Variants in DCAF5 observed in about 807,000 individuals in gnomAD.
DCAF5 encodes DDB1- and CUL4-associated factor 5.
In DCAF5, 9 loss-of-function variants were observed where a neutral mutation model predicts 80.7. The observed-to-expected ratio is 0.11, with a 90% confidence interval of 0.07 to 0.19. The LOEUF is 0.19. Among genes scored for constraint, DCAF5 ranks in the 10% least tolerant of loss-of-function variants. DCAF5 has a pLI of 1.00. For synonymous variants in DCAF5, 433 were observed against 461.9 expected (o/e 0.94, Z 0.80); for missense variants, 842 against 1,205.7 (o/e 0.70, Z 4.47).
intron 5 of DCAF5, among the ~76,000 whole-genome samples, chr14:69,102,757 AC>A (rs1051034397): frequency 5.2e-4 from 79 of 152,080 alleles, no homozygotes; most frequent in African/African-American, 1.9e-3. Flanking sequence ...CTTCTGGAAT[AC>A]CTCCTGAAGG....
intron 1 of DCAF5, among the ~76,000 whole-genome samples, chr14:69,132,622 A>G (rs1281823669): frequency 2.6e-5 from 4 of 152,122 alleles, no homozygotes; most frequent in Non-Finnish European, 5.9e-5. Context: ...TCTCTCCTCA[A>G]ATCACCTACA....
intron 6 of DCAF5, among the ~76,000 whole-genome samples, chr14:69,081,125 TC>T (rs1263667138): frequency 6.6e-6 from 1 of 152,156 alleles, no homozygotes; most frequent in African/African-American, 2.4e-5. Flanking sequence ...CAGCCTTTTA[TC>T]TTATACTCTA....
intron 1 of DCAF5, among the ~76,000 whole-genome samples, chr14:69,140,825 T>C (rs1308172505): frequency 6.6e-5 from 10 of 151,990 alleles, no homozygotes; most frequent in Admixed American, 6.6e-4. Flanking sequence ...ACCTTAAAAG[T>C]GGCAGCGGAG....
intron 5 of DCAF5, among the ~76,000 whole-genome samples, chr14:69,095,507 G>GATTT (rs2139982252): frequency 6.6e-6 from 1 of 151,898 alleles, no homozygotes; most frequent in East Asian, 2.0e-4. Flanking sequence ...TCACAAATGT[G>GATTT]GTCTCCTGTG....
intron 6 of DCAF5, among the ~76,000 whole-genome samples, chr14:69,078,248 C>T (rs1363213821): frequency 3.9e-5 from 6 of 152,156 alleles, no homozygotes; most frequent in African/African-American, 7.2e-5. Context: ...AGAAGTAGAA[C>T]ATGGCCATAT....
intron 1 of DCAF5, chr14:69,143,904 T>C (rs2041454396): frequency 6.6e-6 from 1 of 152,564 alleles, no homozygotes; most frequent in Non-Finnish European, 1.5e-5. Flanking sequence ...AAGAAATCTG[T>C]AACTGGTTGT....
At position 69,116,410 on chromosome 14, in the gene DCAF5, A is replaced by G. The variant is rs371515063; in HGVS notation, c.621T>C (p.Asn207=). The G allele has an allele frequency of 4.0e-5, 65 of 1,613,448 alleles. No individual in the cohort carries two copies. Among genetic ancestry groups the G allele is most frequent in the Non-Finnish European group, 5.3e-5 (63 of 1,179,604 alleles). Reference sequence around the variant, plus strand: ...CCCAGAGTCCCACTCCTTCCTTTGAATTGGCTGTGGCCAACAACCTGGGCT... The same window carrying G: ...CCCAGAGTCCCACTCCTTCCTTTGAGTTGGCTGTGGCCAACAACCTGGGCT... ...PVEPRLLATA[N]SKEGVGLWDI... is the part of the protein sequence containing the mutation. The change falls in exon 5 of 9, where the codon AAT becomes AAC. Residue 207 remains asparagine (N), a synonymous_variant. Transcript: ENST00000341516.
At chr14:69,110,993 A>C (rs1273792450) in intron 5 of DCAF5, among the ~76,000 whole-genome samples, 8 of 152,018 alleles carry the variant, frequency 5.3e-5, no homozygotes, top group African/African-American at 1.9e-4. Flanking sequence ...TGAGGTTTTA[A>C]GAAATTTAAG....
chr14:69,081,011 T>C (rs2039079028), intron 6 of DCAF5, among the ~76,000 whole-genome samples: 1 of 151,578 alleles, frequency 6.6e-6, no homozygotes, highest in African/African-American at 2.4e-5. Context: ...TCTGCTTTAG[T>C]ACTAAAAAAA....
At chr14:69,072,414 G>T (rs1364452408) in intron 7 of DCAF5, among the ~76,000 whole-genome samples, 2 of 151,384 alleles carry the variant, frequency 1.3e-5, no homozygotes, top group East Asian at 3.9e-4. Flanking sequence ...CAAGAAGGAA[G>T]AACAGAAAGA....
chr14:69,133,452 T>A (rs2041098633), intron 1 of DCAF5, among the ~76,000 whole-genome samples: 1 of 152,162 alleles, frequency 6.6e-6, no homozygotes, highest in South Asian at 2.1e-4. Flanking sequence ...GATCTCCCAA[T>A]TTTTGGCCCA....
At chr14:69,115,602 C>A (rs2040518900) in intron 5 of DCAF5, among the ~76,000 whole-genome samples, 1 of 152,106 alleles carries the variant, frequency 6.6e-6, no homozygotes, top group Non-Finnish European at 1.5e-5. Flanking sequence ...ACTTTATGTA[C>A]AGGTGCCATA....
At chr14:69,064,715 G>C (rs2038363831) in intron 7 of DCAF5, among the ~76,000 whole-genome samples, 1 of 152,210 alleles carries the variant, frequency 6.6e-6, no homozygotes, top group African/African-American at 2.4e-5. Context: ...AAGCTCTACA[G>C]CATTACCATA....
At chr14:69,066,417 G>C (rs1191453881) in intron 7 of DCAF5, among the ~76,000 whole-genome samples, 1 of 152,268 alleles carries the variant, frequency 6.6e-6, no homozygotes, top group African/African-American at 2.4e-5. Flanking sequence ...TTACAGGCAT[G>C]AGCCACTGCA....
At chr14:69,128,827 C>T (rs1323888769) in intron 1 of DCAF5, among the ~76,000 whole-genome samples, 1 of 151,890 alleles carries the variant, frequency 6.6e-6, no homozygotes, top group Non-Finnish European at 1.5e-5. Flanking sequence ...GTGGCTCATG[C>T]CAGCACTTAG....
intron 5 of DCAF5, among the ~76,000 whole-genome samples, chr14:69,103,326 G>C (rs1217829487): frequency 6.6e-6 from 1 of 152,174 alleles, no homozygotes; most frequent in African/African-American, 2.4e-5. Flanking sequence ...ACTACCCCCA[G>C]GAGAAAACAT....
At chr14:69,062,693 T>C (rs915275765) in intron 7 of DCAF5, among the ~76,000 whole-genome samples, 182 bp from the exon 8 acceptor site, 1 of 152,224 alleles carries the variant, frequency 6.6e-6, no homozygotes, top group Non-Finnish European at 1.5e-5. Flanking sequence ...GCTCTCAGCA[T>C]ATGTGCTCTT....
At chr14:69,103,066 G>A (rs1167503881) in intron 5 of DCAF5, among the ~76,000 whole-genome samples, 4 of 152,120 alleles carry the variant, frequency 2.6e-5, no homozygotes, top group Non-Finnish European at 1.5e-5. Context: ...TGGGACTTTT[G>A]TCATACATGT....
intron 5 of DCAF5, among the ~76,000 whole-genome samples, chr14:69,110,037 G>GT (rs1408671465): frequency 6.6e-6 from 1 of 152,064 alleles, no homozygotes; most frequent in East Asian, 1.9e-4. Context: ...ACTCATTGTG[G>GT]TTTTAATTTG....
Sources: gnomAD v4.1 joint callset for allele counts (sites outside exome capture counted in the v4.1 genomes callset) on GRCh38, gnomAD v4.1.1 for gene constraint, MANE v1.5 for transcripts, NCBI Gene and HGNC (gene_info 2026-07-23, HGNC 2026-07-21) for gene names.